PALM2AKAP2: variants seen among roughly 807,000 people sequenced by gnomAD.
PALM2AKAP2 encodes the protein PALM2 and AKAP2 fusion, also known as PALM2-AKAP2 fusion protein.
In PALM2AKAP2, 37 loss-of-function variants were observed where a neutral mutation model predicts 71.5. The ratio of observed to expected loss-of-function variants is 0.52; its 90% CI spans 0.40 to 0.68. PALM2AKAP2 has a LOEUF of 0.68. PALM2AKAP2 is among the 30% of genes least tolerant of loss of function. The pLI is 0.00. For synonymous variants in PALM2AKAP2, 468 were observed against 478.8 expected (o/e 0.98, Z 0.29); for missense variants, 1,224 against 1,191.8 (o/e 1.03, Z -0.40).
chr9:110,169,797 G>A (rs1836815079), exon 4 of PALM2AKAP2: 1 of 152,204 alleles, frequency 6.6e-6, no homozygotes, highest in Admixed American at 6.6e-5. Flanking sequence ...TGTAAAATGT[G>A]TATGTTCATG....
intron 1 of PALM2AKAP2, among the ~76,000 whole-genome samples, chr9:110,058,717 C>T (rs556602661): frequency 4.3e-4 from 65 of 152,262 alleles, no homozygotes; most frequent in Non-Finnish European, 7.6e-4. Flanking sequence ...TCCTCTCTCC[C>T]TCCTTCCTTC....
chr9:109,831,213 T>G (rs1828293341), intron 1 of PALM2AKAP2, among the ~76,000 whole-genome samples: 1 of 151,416 alleles, frequency 6.6e-6, no homozygotes, highest in Middle Eastern at 3.4e-3. Context: ...TATTCTCCCA[T>G]GTAAGGGCTG....
chr9:109,919,707 A>C (rs1830780327), intron 3 of PALM2AKAP2, among the ~76,000 whole-genome samples: 1 of 144,242 alleles, frequency 6.9e-6, no homozygotes, highest in Non-Finnish European at 1.5e-5. Context: ...TATTAGTAGG[A>C]TGTATATATA....
intron 6 of PALM2AKAP2, chr9:109,943,177 C>T (rs758289457): frequency 1.2e-6 from 2 of 1,614,204 alleles, no homozygotes; most frequent in Admixed American, 3.3e-5. Flanking sequence ...GAAAAAGGTG[C>T]TAGGCTATGA....
At chr9:109,717,643 C>G (rs1322277) in intron 1 of PALM2AKAP2, among the ~76,000 whole-genome samples, 53,588 of 152,074 alleles carry the variant, frequency 0.35, 9,829 homozygotes, top group African/African-American at 0.46. Context: ...TGAAAAGGTG[C>G]GGATAGGCTT....
At chr9:109,791,039 C>T (rs1194555724) in intron 1 of PALM2AKAP2, among the ~76,000 whole-genome samples, 1 of 152,144 alleles carries the variant, frequency 6.6e-6, no homozygotes, top group African/African-American at 2.4e-5. Context: ...CACCACAAAA[C>T]CCGAAGGATA....
intron 1 of PALM2AKAP2, among the ~76,000 whole-genome samples, chr9:110,079,671 A>G (rs746097061): frequency 6.6e-5 from 10 of 152,194 alleles, no homozygotes; most frequent in Non-Finnish European, 1.3e-4. Context: ...TCTAGAAGGC[A>G]TATATGGAGC....
At chr9:109,699,731 C>T (rs527861206) in intron 1 of PALM2AKAP2, among the ~76,000 whole-genome samples, 1 of 151,814 alleles carries the variant, frequency 6.6e-6, no homozygotes, top group Non-Finnish European at 1.5e-5. Flanking sequence ...CATTTTTTTT[C>T]CCCTGTATTT....
chr9:110,161,487 A>G (rs1036615907), intron 3 of PALM2AKAP2, among the ~76,000 whole-genome samples: 1 of 152,132 alleles, frequency 6.6e-6, no homozygotes, highest in South Asian at 2.1e-4. Flanking sequence ...TAATAATCCT[A>G]TATAATCACC....
At chr9:109,935,400 G>A (rs554233499) in intron 6 of PALM2AKAP2, among the ~76,000 whole-genome samples, 31 of 152,306 alleles carry the variant, frequency 2.0e-4, no homozygotes, top group African/African-American at 7.5e-4. Flanking sequence ...CATCTTTGGG[G>A]TATGATCATG....
chr9:110,014,849 T>TACAC (rs1832952148), intron 6 of PALM2AKAP2, among the ~76,000 whole-genome samples: 5 of 97,482 alleles, frequency 5.1e-5, no homozygotes, highest in African/African-American at 1.9e-4. Flanking sequence ...TATATATATA[T>TACAC]ATACACACAC....
At chr9:110,029,556 A>G (rs1046921871) in intron 7 of PALM2AKAP2, among the ~76,000 whole-genome samples, 1 of 152,220 alleles carries the variant, frequency 6.6e-6, no homozygotes, top group Non-Finnish European at 1.5e-5. Flanking sequence ...ATGATGCTAA[A>G]GCTCTAGAAA....
At position 109,851,215 on chromosome 9, in the gene PALM2AKAP2, A is replaced by AC. The variant is rs1564179699; in HGVS notation, c.46-16276_46-16275insC. On this transcript the variant is annotated intron_variant, in intron 1 of 9. Coordinates refer to the PALM2AKAP2 transcript ENST00000302798. ...ACAACAACAACAACAACAACAAAAAAAAAAAAACACTACCTGGTAGTGTTT... is the reference window on the plus strand; with the variant it reads ...ACAACAACAACAACAACAACAAAAAACAAAAAAACACTACCTGGTAGTGTTT... Among the ~76,000 whole-genome samples the AC allele has an allele frequency of 1.4e-4, 12 of 87,102 alleles. No homozygotes were observed. The South Asian group carries it at 4.0e-3, about 29-fold the overall frequency. The allele number at this position is 87,102 out of a possible 152,430, so 57.1% of individuals were successfully genotyped here. A position where few individuals can be genotyped will look rare whatever the true frequency, so the allele number is the denominator to read the frequency against.
intron 6 of PALM2AKAP2, among the ~76,000 whole-genome samples, chr9:109,936,745 A>T (rs968118479): frequency 6.6e-6 from 1 of 152,358 alleles, no homozygotes. Flanking sequence ...CATTGTACAA[A>T]TGAGAAAATG....
intron 1 of PALM2AKAP2, among the ~76,000 whole-genome samples, chr9:110,084,222 G>C (rs566489816): frequency 8.7e-4 from 132 of 152,316 alleles, no homozygotes; most frequent in African/African-American, 3.1e-3. Context: ...ACAGTAAGAT[G>C]TTCAGGAAAG....
chr9:110,010,853 G>A lies in PALM2AKAP2; in HGVS notation c.497-5101G>A, dbSNP rs185591026. Among the ~76,000 whole-genome samples the A allele has an allele frequency of 9.3e-3, 1,382 of 147,814 alleles. 20 individuals carry two copies. The highest frequency in any genetic ancestry group is 0.033 in the African/African-American group (1,323 of 40,664). On this transcript the variant is annotated intron_variant, in intron 6 of 9. Transcript: ENST00000302798. ...CTCTACTAAAAATACAAAATTAGCC[G>A]GGCATGGTGGTACATGCCTGTAATC...
chr9:109,702,893 A>G lies in PALM2AKAP2; in HGVS notation c.5+62027A>G, dbSNP rs540177507. On this transcript the variant is annotated intron_variant, in intron 1 of 6. Transcript: ENST00000374531. ...GAGTGCAGTGCTGTGATCTTGGTTC[A>G]CGGCAACCTCCGCTTCCCAGGTTCA... is the stretch of plus-strand genomic sequence containing the variant. Among the ~76,000 whole-genome samples the G allele has an allele frequency of 2.4e-4, 36 of 150,256 alleles. 1 individual carries two copies. The highest frequency in any genetic ancestry group is 8.8e-4 in the African/African-American group (36 of 40,782).
At chr9:110,023,124 T>C (rs544764506) in intron 7 of PALM2AKAP2, among the ~76,000 whole-genome samples, 1 of 151,206 alleles carries the variant, frequency 6.6e-6, no homozygotes, top group South Asian at 2.1e-4. Context: ...AAATGGTATT[T>C]CTAGTTCTAG....
chr9:109,747,862 G>C (rs1828827097), intron 1 of PALM2AKAP2, among the ~76,000 whole-genome samples: 1 of 152,100 alleles, frequency 6.6e-6, no homozygotes, highest in Admixed American at 6.6e-5. Flanking sequence ...GTAGAGACAG[G>C]GTTTTGGCAT....
Sources: allele counts gnomAD v4.1 joint callset (sites outside exome capture counted in the v4.1 genomes callset), GRCh38; gene constraint gnomAD v4.1.1; transcripts MANE v1.5; gene names NCBI Gene and HGNC (gene_info 2026-07-23, HGNC 2026-07-21).